The following LRRD1 variants were observed in gnomAD, a reference collection of about 807,000 sequenced individuals.
LRRD1 encodes the protein leucine-rich repeat and death domain-containing protein 1.
Under a neutral mutation model 69.5 loss-of-function variants are expected in LRRD1, and 49 were observed. The observed-to-expected ratio is 0.70, with a 90% CI of 0.56 to 0.89. The LOEUF (loss-of-function observed/expected upper bound fraction) is 0.89, where lower values mean the gene tolerates loss of function less well. Among genes scored for constraint, LRRD1 ranks in the 40% least tolerant of loss-of-function variants. The pLI is 0.00. For missense variants in LRRD1, 853 were observed against 956.0 expected (o/e 0.89, Z 1.42); for synonymous variants, 303 against 338.9 (o/e 0.89, Z 1.16).
intron 4 of LRRD1, among the ~76,000 whole-genome samples, chr7:92,149,310 G>C (rs534807564): frequency 6.6e-6 from 1 of 152,200 alleles, no homozygotes; most frequent in Non-Finnish European, 1.5e-5. Context: ...AGAATGATCT[G>C]AAGGGATAGT....
At chr7:92,151,911 T>C (rs978936812) in intron 3 of LRRD1, among the ~76,000 whole-genome samples, 1 of 148,720 alleles carries the variant, frequency 6.7e-6, no homozygotes, top group Non-Finnish European at 1.5e-5. Flanking sequence ...ATAATGCCAT[T>C]GCACTCCAGC....
rs186781703 is a variant in LRRD1, at chr7:92,161,805, T to A, written c.1917+1481A>T. Among the ~76,000 whole-genome samples the A allele has an allele frequency of 3.9e-4, 60 of 152,208 alleles. 1 individual carries two copies. The highest frequency in any genetic ancestry group is 2.8e-3 in the Admixed American group (43 of 15,284). ...AAATGAGCTGACTTTGAAGTTATAT[T>A]GAGTGTGTGACAACAAAAGAATAGA... On this transcript the variant is annotated intron_variant, in intron 2 of 5. Transcript: ENST00000458448.
At chr7:92,143,331 G>A (rs976953779), downstream of LRRD1, among the ~76,000 whole-genome samples, 19 of 152,284 alleles carry the variant, frequency 1.2e-4, no homozygotes, top group African/African-American at 4.1e-4. Context: ...CACCGGGGCC[G>A]CAGGTAGAGC....
chr7:92,174,501 A>G (rs184083731), intron 1 of LRRD1, among the ~76,000 whole-genome samples: 1,068 of 19,996 alleles, frequency 0.053, 63 homozygotes, highest in African/African-American at 0.16. Flanking sequence ...ATATATATAT[A>G]TATATATATT....
At chr7:92,178,725 CA>C (rs1482602416) in intron 1 of LRRD1, 1 of 152,112 alleles carries the variant, frequency 6.6e-6, no homozygotes, top group African/African-American at 2.4e-5. Context: ...ATTTGATAGG[CA>C]AAAATATATG....
chr7:92,161,014 G>A (rs1435021884), intron 2 of LRRD1, among the ~76,000 whole-genome samples: 1 of 152,154 alleles, frequency 6.6e-6, no homozygotes, highest in East Asian at 1.9e-4. Context: ...CTATGAAGTA[G>A]GAGTCAGATC....
chr7:92,157,516 T>G (rs1289387623), intron 3 of LRRD1, among the ~76,000 whole-genome samples: 1 of 151,730 alleles, frequency 6.6e-6, no homozygotes, highest in Non-Finnish European at 1.5e-5. Context: ...TATGACAGAA[T>G]TTTTTAAATT....
intron 2 of LRRD1, 104 bp from the exon 3 acceptor site, chr7:92,159,307 T>A: frequency 1.1e-6 from 1 of 879,508 alleles, no homozygotes; most frequent in Non-Finnish European, 1.6e-6. Flanking sequence ...GTTTTTGTTT[T>A]TGTCTTAAAA....
intron 1 of LRRD1, among the ~76,000 whole-genome samples, chr7:92,171,376 A>T (rs899393098): frequency 1.3e-5 from 2 of 152,164 alleles, no homozygotes; most frequent in Admixed American, 6.5e-5. Flanking sequence ...ACAAAGAATC[A>T]TTAGAGACTA....
chr7:92,172,799 C>T (rs757693940), intron 1 of LRRD1, among the ~76,000 whole-genome samples: 29 of 152,118 alleles, frequency 1.9e-4, no homozygotes, highest in Non-Finnish European at 2.2e-4. Context: ...CAATCTCTAT[C>T]AAAATACCAA....
chr7:92,159,041 G>A lies in LRRD1; in HGVS notation c.2080C>T (p.Leu694=). The A allele has an allele frequency of 6.5e-7, 1 of 1,546,372 alleles. No individual in the cohort carries two copies. Residue 694 remains leucine, a synonymous_variant, in exon 3 of 6, where the codon CTA becomes TTA. Coordinates refer to ENST00000458448, the MANE Select transcript of LRRD1 (RefSeq NM_001161528.2). ...NQISYLPPSL[L]SLNDLQQLNL... ...AGTTGCTGCAGATCATTTAAAGATA[G>A]CAAAGATGGTGGAAGATAACTTATT... is the stretch of plus-strand genomic sequence containing the variant.
intron 3 of LRRD1, among the ~76,000 whole-genome samples, chr7:92,157,656 G>A (rs1351658659): frequency 2.6e-5 from 4 of 151,728 alleles, no homozygotes; most frequent in Non-Finnish European, 4.4e-5. Flanking sequence ...TGCAACCCCC[G>A]CCTCCTGGGT....
rs1788862437 is a variant in LRRD1 at position 92,164,584 on chromosome 7, T to C, written c.619A>G (p.Ile207Val). 1.9e-6 allele frequency: 3 copies of C among 1,551,294 alleles called. No homozygotes were observed. Among genetic ancestry groups the C allele is most frequent in the Non-Finnish European group, 2.6e-6 (3 of 1,146,620 alleles). ...ENGLSSLPSE[I>V]QLLHNLRILN... ...ATCCTTAAATTATGAAGTAACTGAA[T>C]TTCAGATGGAAGTGATGATAATCCA... The change falls in exon 2 of 6, where the codon ATT becomes GTT. Residue 207 changes from isoleucine to valine, a missense_variant. This residue lies in a region of LRRD1 where 739 missense variants were observed against 808.0 expected (regional missense o/e 0.91). Coordinates refer to ENST00000458448, the MANE Select transcript of LRRD1 (RefSeq NM_001161528.2).
At chr7:92,159,802 A>G (rs1349869473) in intron 2 of LRRD1, among the ~76,000 whole-genome samples, 1 of 151,840 alleles carries the variant, frequency 6.6e-6, no homozygotes, top group African/African-American at 2.4e-5. Context: ...TTGTATTTTT[A>G]GTAGAATGGG....
chr7:92,146,329 C>A, intron 4 of LRRD1, 129 bp from the exon 5 acceptor site: 1 of 554,848 alleles, frequency 1.8e-6, no homozygotes, highest in Non-Finnish European at 3.1e-6. Flanking sequence ...CTGAAAATGA[C>A]AATGCTGGCC....
At chr7:92,154,128 A>G (rs1310161260) in intron 3 of LRRD1, among the ~76,000 whole-genome samples, 1 of 152,180 alleles carries the variant, frequency 6.6e-6, no homozygotes, top group Non-Finnish European at 1.5e-5. Context: ...ATGAGCCACC[A>G]CGCCCAGCAG....
chr7:92,145,565 G>A (rs1231247805), intron 5 of LRRD1, among the ~76,000 whole-genome samples: 1 of 149,856 alleles, frequency 6.7e-6, no homozygotes, highest in Non-Finnish European at 1.5e-5. Flanking sequence ...TCAGCCTCCC[G>A]AGTAGCTGGG....
intron 4 of LRRD1, among the ~76,000 whole-genome samples, chr7:92,149,454 T>C (rs917163629): frequency 6.6e-6 from 1 of 152,202 alleles, no homozygotes; most frequent in Admixed American, 6.5e-5. Flanking sequence ...AAAGCCTAAC[T>C]GTTGCGAACC....
At chr7:92,168,231 T>G (rs1477901721) in intron 1 of LRRD1, among the ~76,000 whole-genome samples, 1 of 152,334 alleles carries the variant, frequency 6.6e-6, no homozygotes, top group African/African-American at 2.4e-5. Flanking sequence ...TTATTGTGAT[T>G]CAGTTTCTAG....
Sources: gnomAD v4.1 joint callset for allele counts (sites outside exome capture counted in the v4.1 genomes callset) on GRCh38, gnomAD v4.1.1 for gene constraint, gnomAD v4.1.1 regional missense constraint, MANE v1.5 for transcripts, NCBI Gene and HGNC (gene_info 2026-07-23, HGNC 2026-07-21) for gene names.